The following CDH20 variants were observed in gnomAD, a reference collection of about 807,000 sequenced individuals.
The protein encoded by CDH20 is cadherin-20.
CDH20 carries 29 observed loss-of-function variants against 74.2 expected under a neutral mutation model. The observed-to-expected ratio is 0.39, with a 90% CI of 0.29 to 0.53. CDH20 has a LOEUF of 0.53. Among genes scored for constraint, CDH20 ranks in the 20% least tolerant of loss-of-function variants. The pLI, the probability that CDH20 is intolerant of heterozygous loss-of-function variation, is 0.69. For synonymous variants in CDH20, 469 were observed against 405.4 expected (o/e 1.16, Z -1.88); for missense variants, 988 against 1,048.3 (o/e 0.94, Z 0.79).
intron 7 of CDH20, among the ~76,000 whole-genome samples, chr18:61,532,764 T>G (rs547550639): frequency 6.6e-6 from 1 of 152,300 alleles, no homozygotes; most frequent in Non-Finnish European, 1.5e-5. Flanking sequence ...CCTCCAAAAT[T>G]GCTGCTTCTC....
At chr18:61,472,908 G>A (rs1455489278) in intron 1 of CDH20, among the ~76,000 whole-genome samples, 1 of 152,206 alleles carries the variant, frequency 6.6e-6, no homozygotes, top group Non-Finnish European at 1.5e-5. Flanking sequence ...CAGCCAGTTA[G>A]GTCGTGCTTA....
At chr18:61,517,008 C>T (rs1912023486) in intron 6 of CDH20, among the ~76,000 whole-genome samples, 1 of 152,230 alleles carries the variant, frequency 6.6e-6, no homozygotes, top group Middle Eastern at 3.4e-3. Context: ...ATTAAAAACT[C>T]ACGCTAGTGC....
intron 11 of CDH20, among the ~76,000 whole-genome samples, chr18:61,552,581 G>T (rs541649603): frequency 1.3e-5 from 2 of 152,042 alleles, no homozygotes; most frequent in Non-Finnish European, 2.9e-5. Flanking sequence ...CCTCTGTGAA[G>T]CCCTACCCAG....
At chr18:61,405,051 C>A in intron 1 of CDH20, 1 of 682,774 alleles carries the variant, frequency 1.5e-6, no homozygotes, top group Non-Finnish European at 2.7e-6. Flanking sequence ...CAAAGTTGGA[C>A]AGTTGTTACA....
intron 1 of CDH20, among the ~76,000 whole-genome samples, chr18:61,464,278 G>T (rs2849865): frequency 0.54 from 81,412 of 151,558 alleles, 22,939 homozygotes; most frequent in African/African-American, 0.71. Flanking sequence ...CAAGGTCACA[G>T]CTGAGGGAAA....
chr18:61,407,470 CT>C, intron 1 of CDH20, among the ~76,000 whole-genome samples: 1 of 152,084 alleles, frequency 6.6e-6, no homozygotes, highest in East Asian at 1.9e-4. Flanking sequence ...AGAATTAAGC[CT>C]CTTAATTTTA....
intron 6 of CDH20, among the ~76,000 whole-genome samples, chr18:61,515,222 G>A (rs894895263): frequency 1.4e-4 from 22 of 152,086 alleles, no homozygotes; most frequent in Admixed American, 2.6e-4. Context: ...TTTTAAGCCC[G>A]TCGGAAAAGC....
chr18:61,523,798 A>T (rs2144362672), intron 6 of CDH20, among the ~76,000 whole-genome samples: 1 of 152,268 alleles, frequency 6.6e-6, no homozygotes, highest in East Asian at 1.9e-4. Context: ...CATTCTCAGC[A>T]AGCTAACACA....
At chr18:61,356,819 G>T (rs1022590691) in intron 1 of CDH20, among the ~76,000 whole-genome samples, 1 of 152,140 alleles carries the variant, frequency 6.6e-6, no homozygotes, top group Non-Finnish European at 1.5e-5. Context: ...AGATCAGGCA[G>T]GGAGACAGAG....
At position 61,513,179 on chromosome 18, in the gene CDH20, T is replaced by G. The variant is rs374622581; in HGVS notation, c.1017+5619T>G. Among the ~76,000 whole-genome samples the G allele has an allele frequency of 2.2e-3, 331 of 147,316 alleles. 5 individuals carry two copies. Among genetic ancestry groups the G allele is most frequent in the African/African-American group, 7.7e-3 (304 of 39,726 alleles). The stretch of plus-strand genomic sequence containing the variant: ...CACTCAGGACTTGCTTTATGAATCT[T>G]GGTGCTCCTGTATTGGGTGCATATA... On this transcript the variant is annotated intron_variant, in intron 6 of 11. Transcript: ENST00000262717.
intron 1 of CDH20, among the ~76,000 whole-genome samples, chr18:61,451,042 T>C (rs1909368687): frequency 6.6e-6 from 1 of 152,102 alleles, no homozygotes; most frequent in South Asian, 2.1e-4. Context: ...TATGGCTTGG[T>C]CAAAGAATTG....
At chr18:61,527,645 G>A (rs1912476104) in intron 6 of CDH20, among the ~76,000 whole-genome samples, 2 of 152,126 alleles carry the variant, frequency 1.3e-5, no homozygotes, top group African/African-American at 4.8e-5. Flanking sequence ...TCTCTCTAAA[G>A]ACCAGGCTGA....
intron 1 of CDH20, among the ~76,000 whole-genome samples, chr18:61,407,020 TG>T (rs1488696726): frequency 6.6e-6 from 1 of 152,236 alleles, no homozygotes; most frequent in Non-Finnish European, 1.5e-5. Flanking sequence ...GGTACATACT[TG>T]CCATCAAGAT....
intron 1 of CDH20, among the ~76,000 whole-genome samples, chr18:61,364,125 G>GT (rs1910785845): frequency 6.6e-6 from 1 of 152,090 alleles, no homozygotes; most frequent in Non-Finnish European, 1.5e-5. Flanking sequence ...TCAACTGCTG[G>GT]TGGGGGGGAA....
At chr18:61,342,560 T>G (rs1015965012) in intron 1 of CDH20, among the ~76,000 whole-genome samples, 1 of 152,200 alleles carries the variant, frequency 6.6e-6, no homozygotes, top group Non-Finnish European at 1.5e-5. Flanking sequence ...AAGTCCCCTA[T>G]GCATTGTAGG....
chr18:61,466,844 G>A (rs1393340743), intron 1 of CDH20, among the ~76,000 whole-genome samples: 2 of 152,190 alleles, frequency 1.3e-5, no homozygotes, highest in African/African-American at 4.8e-5. Flanking sequence ...GCAAGAGCCT[G>A]CCCTCTTCCC....
chr18:61,511,590 T>C (rs549564776), intron 6 of CDH20, among the ~76,000 whole-genome samples: 1 of 152,278 alleles, frequency 6.6e-6, no homozygotes, highest in East Asian at 1.9e-4. Context: ...TAAAATAATG[T>C]CTGAGATAAT....
At chr18:61,356,139 CAT>C (rs1241003259) in intron 1 of CDH20, among the ~76,000 whole-genome samples, 1 of 152,168 alleles carries the variant, frequency 6.6e-6, no homozygotes, top group Non-Finnish European at 1.5e-5. Context: ...TAATGCTAGA[CAT>C]GAGTTTAGAA....
At chr18:61,499,520 C>CTA (rs760267125) in intron 3 of CDH20, 40 bp downstream of exon 3, 332 of 1,376,488 alleles carry the variant, frequency 2.4e-4, no homozygotes, top group Admixed American at 5.3e-4. Context: ...ATAGCACCTC[C>CTA]TATATATATA....
Sources: gnomAD v4.1 joint callset for allele counts (sites outside exome capture counted in the v4.1 genomes callset) on GRCh38, gnomAD v4.1.1 for gene constraint, MANE v1.5 for transcripts, NCBI Gene and HGNC (gene_info 2026-07-23, HGNC 2026-07-21) for gene names.